PIEZO2: variants seen among roughly 807,000 people sequenced by gnomAD.
The protein encoded by PIEZO2 is piezo-type mechanosensitive ion channel component 2.
In PIEZO2, 172 loss-of-function variants were observed where a neutral mutation model predicts 337.3. The ratio of observed to expected loss-of-function variants is 0.51; its 90% CI spans 0.45 to 0.58. The LOEUF is 0.58. Among genes scored for constraint, PIEZO2 ranks in the 20% least tolerant of loss-of-function variants. PIEZO2 has a pLI of 0.00. For missense variants in PIEZO2, 3,028 were observed against 3,391.3 expected, an observed-to-expected ratio of 0.89 and a Z score of 2.66; for synonymous variants, 1,251 against 1,228.5, an observed-to-expected ratio of 1.02 and a Z score of -0.38.
chr18:10,982,950 A>G lies in PIEZO2; in HGVS notation c.161-3290T>C, dbSNP rs142493878. 2.0e-5 allele frequency among the ~76,000 whole-genome samples: 3 copies of G among 152,066 alleles called. No individual in the cohort carries two copies. The highest frequency in any genetic ancestry group is 7.2e-5 in the African/African-American group (3 of 41,416). On this transcript the variant is annotated intron_variant, in intron 2 of 55. Coordinates refer to ENST00000674853, the MANE Select transcript of PIEZO2 (RefSeq NM_001378183.1). This position sits in a 1 kb window ranked among gnomAD's most constrained non-coding sequence, Gnocchi z 4.1. ...TGGCCAGTTTGGTCTCAAACTCCTG[A>G]CCTCAAGAGATCCGCCTGCCCCAGC...
chr18:11,095,721 A>T (rs978537076), intron 1 of PIEZO2, among the ~76,000 whole-genome samples: 8 of 152,178 alleles, frequency 5.3e-5, no homozygotes, highest in Admixed American at 4.6e-4. Context: ...ATGAACCCCT[A>T]CTTCATATGA....
chr18:10,906,717 C>T (rs760008460), intron 4 of PIEZO2, among the ~76,000 whole-genome samples: 16 of 152,170 alleles, frequency 1.1e-4, no homozygotes, highest in Non-Finnish European at 1.9e-4. Flanking sequence ...CATGCCGCCA[C>T]GCCTGGCTAA....
Position 10,872,602 on chromosome 18 carries a change from T to A in PIEZO2, c.330-1187A>T, listed in dbSNP as rs1467137496. ...CGACACGGGCCAGCCATGTCCCTCA[T>A]CCGGTGCTAGATGCCTGCCCTGTGT... is the stretch of plus-strand genomic sequence containing the variant. On this transcript the variant is annotated intron_variant, in intron 4 of 55. Coordinates refer to ENST00000674853, the MANE Select transcript of PIEZO2 (RefSeq NM_001378183.1). The surrounding 1 kb of genome is among the most constrained non-coding windows in gnomAD (Gnocchi z 4.3). 6.6e-6 allele frequency among the ~76,000 whole-genome samples: 1 copy of A among 152,194 alleles called. No individual in the cohort carries two copies. The highest frequency in any genetic ancestry group is 1.9e-4 in the East Asian group (1 of 5,192).
At chr18:10,906,816 C>T (rs761409220) in intron 4 of PIEZO2, among the ~76,000 whole-genome samples, 3 of 152,138 alleles carry the variant, frequency 2.0e-5, no homozygotes, top group Admixed American at 6.5e-5. Flanking sequence ...CCACCTAGGC[C>T]TCCCAAAGTG....
chr18:10,774,120 A>T, intron 18 of PIEZO2, 82 bp from the exon 19 acceptor site: 1 of 694,962 alleles, frequency 1.4e-6, no homozygotes, highest in Non-Finnish European at 2.6e-6. Context: ...ATCACATATC[A>T]TGCTACATAT....
Position 11,101,641 on chromosome 18 carries a change from T to G in PIEZO2, c.65-35419A>C, listed in dbSNP as rs145890004. On this transcript the variant is annotated intron_variant, in intron 1 of 55. Transcript: ENST00000674853. The surrounding 1 kb of genome is among the most constrained non-coding windows in gnomAD (Gnocchi z 4.4). Reference sequence around the variant, plus strand: ...CATGACATTCTATTTCTCAAACCTGTCAATTTGAAAAACCGATGACTATGT... The same window carrying G: ...CATGACATTCTATTTCTCAAACCTGGCAATTTGAAAAACCGATGACTATGT... 3.9e-5 allele frequency among the ~76,000 whole-genome samples: 6 copies of G among 152,328 alleles called. No homozygotes were observed. The East Asian group carries it at 1.2e-3, about 29-fold the overall frequency.
intron 1 of PIEZO2, among the ~76,000 whole-genome samples, chr18:11,141,806 C>T (rs1295431074): frequency 1.3e-5 from 2 of 152,104 alleles, no homozygotes; most frequent in Non-Finnish European, 2.9e-5. Flanking sequence ...GCGACAATAA[C>T]CTGAGTTTGG....
Position 10,969,722 on chromosome 18 carries a change from T to C in PIEZO2, c.286+9813A>G, listed in dbSNP as rs2034159209. On this transcript the variant is annotated intron_variant, in intron 3 of 55. Transcript: ENST00000674853. The surrounding 1 kb of genome is among the most constrained non-coding windows in gnomAD (Gnocchi z 4.5). ...TGGGAACAACTATCTGAGCAGGATTTGGGGTATGCACCTGTAGGAGAGGAG... is the reference window on the plus strand; with the variant it reads ...TGGGAACAACTATCTGAGCAGGATTCGGGGTATGCACCTGTAGGAGAGGAG... 6.6e-6 allele frequency among the ~76,000 whole-genome samples: 1 copy of C among 151,966 alleles called. No individual in the cohort carries two copies. The highest frequency in any genetic ancestry group is 6.5e-5 in the Admixed American group (1 of 15,268).
intron 4 of PIEZO2, among the ~76,000 whole-genome samples, chr18:10,886,343 T>TATATATATATATATATATATATACAC (rs561758653): frequency 4.2e-5 from 1 of 23,716 alleles, no homozygotes; most frequent in African/African-American, 3.1e-4. Flanking sequence ...TATATATATA[T>TATATATATATATATATATATATACAC]ACACACACAC....
At chr18:11,136,587 G>A (rs1328843568) in intron 1 of PIEZO2, among the ~76,000 whole-genome samples, 2 of 152,246 alleles carry the variant, frequency 1.3e-5, no homozygotes, top group African/African-American at 4.8e-5. Context: ...AACTAAGCAT[G>A]AGCAAGCTCT....
chr18:10,726,911 C>T lies in PIEZO2; in HGVS notation c.5029+4496G>A, dbSNP rs2036567741. 1.3e-6 allele frequency: 2 copies of T among 1,577,250 alleles called. No homozygotes were observed. The highest frequency in any genetic ancestry group is 4.5e-5 in the East Asian group (2 of 44,414). ...ATGGCCACCAACCGGCTGGATGTGG[C>T]GGAGCTGGGTCGCCTGCTGCCCGAC... On this transcript the variant is annotated intron_variant, in intron 36 of 55. Coordinates refer to ENST00000674853, the MANE Select transcript of PIEZO2 (RefSeq NM_001378183.1). The surrounding 1 kb of genome is among the most constrained non-coding windows in gnomAD (Gnocchi z 5.9).
intron 4 of PIEZO2, among the ~76,000 whole-genome samples, chr18:10,883,157 T>G (rs565933681): frequency 2.1e-4 from 32 of 152,328 alleles, no homozygotes; most frequent in African/African-American, 7.2e-4. Context: ...ATTTTCTTTA[T>G]CCATTTATCT....
rs890579492 is a variant in PIEZO2, at chr18:10,833,319, G to C, written c.917+22034C>G. ...GCACTGGGATTCACTTATTTTTCCT[G>C]TGTTCTCTTTTCTTCTGGTACTTCG... On this transcript the variant is annotated intron_variant, in intron 7 of 55. Coordinates refer to ENST00000674853, the MANE Select transcript of PIEZO2 (RefSeq NM_001378183.1). This position sits in a 1 kb window ranked among gnomAD's most constrained non-coding sequence, Gnocchi z 4.7. Among the ~76,000 whole-genome samples the C allele has an allele frequency of 1.3e-5, 2 of 152,040 alleles. No individual in the cohort carries two copies. Among genetic ancestry groups the C allele is most frequent in the Admixed American group, 1.3e-4 (2 of 15,266 alleles).
rs199668676 is a variant in PIEZO2, at chr18:11,078,140, ACACT to A, written c.65-11922_65-11919del. ...ACACACCATACACACACATACACAC[ACACT>A]CACCACACACACACATACACACACC... On this transcript the variant is annotated intron_variant, in intron 1 of 55. Coordinates refer to ENST00000674853, the MANE Select transcript of PIEZO2 (RefSeq NM_001378183.1). The surrounding 1 kb of genome is among the most constrained non-coding windows in gnomAD (Gnocchi z 5.3). Among the ~76,000 whole-genome samples, 11,629 of 149,624 alleles carry A rather than the reference ACACT, an allele frequency of 0.078. 1,110 individuals are homozygous for A. Among genetic ancestry groups the A allele is most frequent in the African/African-American group, 0.23 (9,438 of 40,886 alleles).
chr18:10,886,378 GTGTATA>G (rs1278677732), intron 4 of PIEZO2, among the ~76,000 whole-genome samples: 7 of 3,172 alleles, frequency 2.2e-3, no homozygotes, highest in South Asian at 0.083. Context: ...ATGTGTGTGT[GTGTATA>G]TATATATATA....
rs888827292 is a variant in PIEZO2 at position 10,847,920 on chromosome 18, A to G, written c.917+7433T>C. Among the ~76,000 whole-genome samples, 9 of 152,174 alleles carry G rather than the reference A, an allele frequency of 5.9e-5. No homozygotes were observed. Among genetic ancestry groups the G allele is most frequent in the Non-Finnish European group, 1.3e-4 (9 of 68,036 alleles). On this transcript the variant is annotated intron_variant, in intron 7 of 55. Transcript: ENST00000674853. The surrounding 1 kb of genome is among the most constrained non-coding windows in gnomAD (Gnocchi z 5.7). ...TGGTAGCTTGGTTGGGTTCATTTGC[A>G]TTCCTTAGCATTATAATAACGTGCT...
At chr18:10,695,732 A>G (rs1462409661) in intron 47 of PIEZO2, among the ~76,000 whole-genome samples, 1 of 152,142 alleles carries the variant, frequency 6.6e-6, no homozygotes, top group Admixed American at 6.5e-5. Flanking sequence ...CCCCAAGACC[A>G]TATTCCACTT....
rs2040760506 is a variant in PIEZO2, at chr18:10,828,952, C to T, written c.918-21678G>A. Among the ~76,000 whole-genome samples, 1 of 152,194 alleles carries T rather than the reference C, an allele frequency of 6.6e-6. No homozygotes were observed. The highest frequency in any genetic ancestry group is 1.5e-5 in the Non-Finnish European group (1 of 68,050). Reference sequence around the variant, plus strand: ...GAAGCCTTTCCTCAGCATGTCATGTCTTCATTGGGCTCTCTCCTCTCAACC... The same window carrying T: ...GAAGCCTTTCCTCAGCATGTCATGTTTTCATTGGGCTCTCTCCTCTCAACC... On this transcript the variant is annotated intron_variant, in intron 7 of 55. Transcript: ENST00000674853. This position sits in a 1 kb window ranked among gnomAD's most constrained non-coding sequence, Gnocchi z 4.1.
chr18:10,743,618 C>T (rs554569929), intron 31 of PIEZO2, among the ~76,000 whole-genome samples: 1 of 152,234 alleles, frequency 6.6e-6, no homozygotes, highest in East Asian at 1.9e-4. Flanking sequence ...CATCTAATAC[C>T]AGGGTCATCA....
Sources: allele counts gnomAD v4.1 joint callset (sites outside exome capture counted in the v4.1 genomes callset), GRCh38; gene constraint gnomAD v4.1.1; non-coding constraint Gnocchi (gnomAD v3.1); transcripts MANE v1.5; gene names NCBI Gene and HGNC (gene_info 2026-07-23, HGNC 2026-07-21).